The following EPM2A variants were observed in gnomAD, a reference collection of about 807,000 sequenced individuals.
The protein encoded by EPM2A is laforin.
Under a neutral mutation model 26.5 loss-of-function variants are expected in EPM2A, and 21 were observed. The ratio of observed to expected loss-of-function variants is 0.79; its 90% CI spans 0.56 to 1.14. The LOEUF is 1.14. Among genes scored for constraint, EPM2A ranks in the 50% most tolerant of loss-of-function variants. The pLI, the probability that EPM2A is intolerant of heterozygous loss-of-function variation, is 0.00. For missense variants in EPM2A, 458 were observed against 440.8 expected, an observed-to-expected ratio of 1.04 and a Z score of -0.35; for synonymous variants, 217 against 177.6, an observed-to-expected ratio of 1.22 and a Z score of -1.76.
intron 4 of EPM2A, among the ~76,000 whole-genome samples, chr6:145,395,817 T>G (rs985450812): frequency 6.6e-6 from 1 of 152,110 alleles, no homozygotes; most frequent in Non-Finnish European, 1.5e-5. Context: ...CGCTGATGAG[T>G]CTTTTATCAG....
intron 2 of EPM2A, among the ~76,000 whole-genome samples, chr6:145,589,935 T>C (rs987183848): frequency 6.8e-6 from 1 of 148,112 alleles, no homozygotes; most frequent in Non-Finnish European, 1.5e-5. Flanking sequence ...ATCCTTAAGA[T>C]AAGAATTTTT....
chr6:145,714,670 T>C (rs1416459852), intron 1 of EPM2A, among the ~76,000 whole-genome samples: 13 of 152,324 alleles, frequency 8.5e-5, no homozygotes, highest in African/African-American at 2.9e-4. Flanking sequence ...CTCACAATCA[T>C]GGCAGAAGGC....
chr6:145,467,236 G>T (rs1415399882), intron 4 of EPM2A, among the ~76,000 whole-genome samples: 1 of 151,488 alleles, frequency 6.6e-6, no homozygotes, highest in African/African-American at 2.4e-5. Flanking sequence ...ATAATTGTTT[G>T]GTCTATTTCA....
In EPM2A at chr6:145,610,654, A is replaced by G. The variant is rs564717264; in HGVS notation, c.340+24591T>C. ...AATGTGAAATTACTAGTACAAAAAG[A>G]TTTCTAGGTCTTGTTTTCTCTGTCT... On this transcript the variant is annotated intron_variant, in intron 2 of 3. Coordinates refer to the EPM2A transcript ENST00000450221. 2.0e-5 allele frequency among the ~76,000 whole-genome samples: 3 copies of G among 152,318 alleles called. No homozygotes were observed. The East Asian group carries it at 5.8e-4, about 29-fold the overall frequency.
intron 4 of EPM2A, among the ~76,000 whole-genome samples, chr6:145,494,371 T>G (rs913967588): frequency 6.6e-6 from 1 of 152,180 alleles, no homozygotes; most frequent in African/African-American, 2.4e-5. Context: ...GGATCTTCTC[T>G]CTTTTCTTCT....
chr6:145,397,636 G>T lies in EPM2A; in HGVS notation c.556-13539C>A, dbSNP rs1297038877. 2.0e-5 allele frequency among the ~76,000 whole-genome samples: 3 copies of T among 152,230 alleles called. No homozygotes were observed. The East Asian group carries it at 5.8e-4, about 29-fold the overall frequency. On this transcript the variant is annotated intron_variant, in intron 4 of 4. Coordinates refer to the EPM2A transcript ENST00000638717. ...GCTTCCAGTGAGGCCATAATCTCCA[G>T]TCTCACCAACTCCAACCTGGTGGTT...
intron 4 of EPM2A, among the ~76,000 whole-genome samples, chr6:145,438,909 C>T (rs929245267): frequency 4.1e-5 from 3 of 72,918 alleles, no homozygotes; most frequent in African/African-American, 1.4e-4. Flanking sequence ...CAGCATAGTA[C>T]CCAATAGTTT....
intron 2 of EPM2A, among the ~76,000 whole-genome samples, chr6:145,681,867 A>G (rs1286927766): frequency 6.6e-6 from 1 of 152,144 alleles, no homozygotes; most frequent in Admixed American, 6.6e-5. Context: ...CTAGGTTGCC[A>G]TATGTCCTAG....
intron 1 of EPM2A, among the ~76,000 whole-genome samples, chr6:145,690,521 GAAAA>G (rs145052340): frequency 1.3e-3 from 110 of 87,002 alleles, no homozygotes; most frequent in Non-Finnish European, 2.0e-3. Flanking sequence ...CGTCTCAAAA[GAAAA>G]AAAAAAAAAA....
chr6:145,405,608 A>G (rs1778556923), intron 4 of EPM2A, among the ~76,000 whole-genome samples: 2 of 152,154 alleles, frequency 1.3e-5, no homozygotes, highest in Admixed American at 6.6e-5. Context: ...AGCAGCAGAA[A>G]TATGCAAAAT....
At chr6:145,431,654 G>A (rs1778922873) in intron 4 of EPM2A, among the ~76,000 whole-genome samples, 1 of 152,168 alleles carries the variant, frequency 6.6e-6, no homozygotes, top group African/African-American at 2.4e-5. Context: ...TTTTGCAGGA[G>A]GAAGGTTTTG....
chr6:145,692,180 A>C (rs1781318856), intron 1 of EPM2A, among the ~76,000 whole-genome samples: 1 of 152,044 alleles, frequency 6.6e-6, no homozygotes, highest in South Asian at 2.1e-4. Flanking sequence ...AGCAACTTTA[A>C]CTGTGTATAT....
At chr6:145,725,684 G>A (rs1004758960) in intron 1 of EPM2A, among the ~76,000 whole-genome samples, 3 of 152,018 alleles carry the variant, frequency 2.0e-5, no homozygotes, top group African/African-American at 2.4e-5. Flanking sequence ...CACACTGTAC[G>A]ATTCTAATTA....
chr6:145,558,275 T>C (rs774960719), intron 2 of EPM2A, among the ~76,000 whole-genome samples: 1 of 152,094 alleles, frequency 6.6e-6, no homozygotes, highest in Non-Finnish European at 1.5e-5. Context: ...TCTAGCTTCA[T>C]GGAACTGTGA....
chr6:145,706,600 G>T (rs1782235939), intron 1 of EPM2A, among the ~76,000 whole-genome samples: 1 of 152,098 alleles, frequency 6.6e-6, no homozygotes, highest in Admixed American at 6.5e-5. Context: ...GAAAAACAGA[G>T]CAACTATACC....
intron 2 of EPM2A, among the ~76,000 whole-genome samples, chr6:145,530,890 C>A (rs1232572692): frequency 6.6e-6 from 1 of 152,138 alleles, no homozygotes; most frequent in African/African-American, 2.4e-5. Context: ...CTAGTATTGA[C>A]CCACCACTCA....
chr6:145,596,901 TTTTTG>T, intron 2 of EPM2A, among the ~76,000 whole-genome samples: 1 of 136,884 alleles, frequency 7.3e-6, no homozygotes, highest in South Asian at 2.9e-4. Flanking sequence ...TTTTTTTTTT[TTTTTG>T]AGACGGAGTC....
chr6:145,496,015 G>T (rs1173311958), intron 4 of EPM2A, among the ~76,000 whole-genome samples: 1 of 152,072 alleles, frequency 6.6e-6, no homozygotes, highest in Non-Finnish European at 1.5e-5. Flanking sequence ...AACTCTCTCA[G>T]CATTTGCTTG....
chr6:145,437,468 A>C (rs1211464650), intron 4 of EPM2A, among the ~76,000 whole-genome samples: 3 of 152,230 alleles, frequency 2.0e-5, no homozygotes, highest in Non-Finnish European at 4.4e-5. Context: ...CCAGTGGATC[A>C]AAATAATTTA....
Sources: gnomAD v4.1 joint callset for allele counts (sites outside exome capture counted in the v4.1 genomes callset) on GRCh38, gnomAD v4.1.1 for gene constraint, MANE v1.5 for transcripts, NCBI Gene and HGNC (gene_info 2026-07-23, HGNC 2026-07-21) for gene names.